Variants in IGDCC4 observed in about 807,000 individuals in gnomAD.
IGDCC4 encodes immunoglobulin superfamily DCC subclass member 4.
IGDCC4 carries 72 observed loss-of-function variants against 116.6 expected under a neutral mutation model. That is an observed-to-expected ratio of 0.62 (90% CI 0.51 to 0.75). The LOEUF is 0.75. Ranked by LOEUF, IGDCC4 falls within the 30% of genes least tolerant of loss-of-function variation. The pLI is 0.00. For missense variants in IGDCC4, 1,501 were observed against 1,662.4 expected, an observed-to-expected ratio of 0.90 and a Z score of 1.69; for synonymous variants, 709 against 719.9, an observed-to-expected ratio of 0.98 and a Z score of 0.24.
At chr15:65,388,734 G>GCC in intron 15 of IGDCC4, 74 bp downstream of exon 15, 1 of 1,604,344 alleles carries the variant, frequency 6.2e-7, no homozygotes, top group Non-Finnish European at 8.5e-7. Flanking sequence ...ACAAACCCCA[G>GCC]CACTGTTCTC....
rs764767963 is a variant in IGDCC4, at chr15:65,383,964, T to C, written c.*45A>G. On this transcript the variant is annotated 3_prime_UTR_variant, in exon 20 of 20. Transcript: ENST00000352385. The stretch of plus-strand genomic sequence containing the variant: ...ACACGGCCACAGGTATCGCATCCTA[T>C]GTGATCCATACCTGCCTGCCCCAAA... 5 of 1,497,996 alleles carry C rather than the reference T, an allele frequency of 3.3e-6. No homozygotes were observed. Among genetic ancestry groups the C allele is most frequent in the Non-Finnish European group, 4.5e-6 (5 of 1,114,718 alleles). The allele number at this position is 1,497,996 out of a possible 1,614,324, so 92.8% of individuals were successfully genotyped here. A position where few individuals can be genotyped will look rare whatever the true frequency, so the allele number is the denominator to read the frequency against.
In IGDCC4 at chr15:65,393,408, GA is replaced by G. The variant is rs765027467; in HGVS notation, c.1837del (p.Ser613ProfsTer24). 1 of 1,613,486 alleles carries G rather than the reference GA, an allele frequency of 6.2e-7. No homozygotes were observed. The highest frequency in any genetic ancestry group is 1.1e-5 in the South Asian group (1 of 90,898). On this transcript the variant is annotated frameshift_variant, in exon 10 of 20. Coordinates refer to ENST00000352385, the MANE Select transcript of IGDCC4 (RefSeq NM_020962.3). LOFTEE classifies it high-confidence loss of function. This position sits in a 1 kb window ranked among gnomAD's most constrained non-coding sequence, Gnocchi z 4.6. ...AGTAAGFGAP[S>X]QWMHHRTPSM... ...GGGCGTCCTGTGATGCATCCACTGG[GA>G]GGGGGCCCCGAAGCCGGCTGCTGTA... is the stretch of plus-strand genomic sequence containing the variant.
Position 65,385,844 on chromosome 15 carries a change from TGACTCCG to T in IGDCC4, c.3160_3166del (p.Arg1054ThrfsTer14). On this transcript the variant is annotated frameshift_variant, in exon 18 of 20. Coordinates refer to ENST00000352385, the MANE Select transcript of IGDCC4 (RefSeq NM_020962.3). LOFTEE classifies it high-confidence loss of function. ...GCTCTGACTTACCTTTCTTTTGGAGTGACTCCGGCCTTCAGAAACACCGCCACCCATA... is the reference window on the plus strand; with the variant it reads ...GCTCTGACTTACCTTTCTTTTGGAGTGCCTTCAGAAACACCGCCACCCATA... 6.2e-7 allele frequency: 1 copy of T among 1,612,278 alleles called. No homozygotes were observed. The highest frequency in any genetic ancestry group is 8.5e-7 in the Non-Finnish European group (1 of 1,179,806).
At position 65,383,905 on chromosome 15, in the gene IGDCC4, TTGA is replaced by T; in HGVS notation, c.*101_*103del. The T allele has an allele frequency of 1.8e-6, 2 of 1,139,344 alleles. No homozygotes were observed. The highest frequency in any genetic ancestry group is 2.4e-6 in the Non-Finnish European group (2 of 829,690). 70.6% of individuals were successfully genotyped at this position (1,139,344 alleles called of 1,614,324 possible). On this transcript the variant is annotated 3_prime_UTR_variant, in exon 20 of 20. Coordinates refer to ENST00000352385, the MANE Select transcript of IGDCC4 (RefSeq NM_020962.3). ...AGCAACTTAGGAAGCTCCAAAGGGC[TTGA>T]TGATGTATCTACAGGCACACATGTG...
In IGDCC4 at chr15:65,384,203, A is replaced by C. The variant is rs777638578; in HGVS notation, c.3559T>G (p.Cys1187Gly). Residue 1187 changes from cysteine (C) to glycine (G), a missense_variant, in exon 20 of 20, where the codon TGT becomes GGT. Coordinates refer to ENST00000352385, the MANE Select transcript of IGDCC4 (RefSeq NM_020962.3). The surrounding 1 kb of genome is among the most constrained non-coding windows in gnomAD (Gnocchi z 4.9). Reference sequence around the variant, plus strand: ...TCTGGCCCGGGGGCTGCCAGCTCACACCCTCCCAACTCCCTGTCCAGCCAG... The same window carrying C: ...TCTGGCCCGGGGGCTGCCAGCTCACCCCCTCCCAACTCCCTGTCCAGCCAG... ...AAWLDRELGG[C>G]ELAAPGPDRL... 9.8e-5 allele frequency: 157 copies of C among 1,608,442 alleles called. No homozygotes were observed. The highest frequency in any genetic ancestry group is 1.3e-4 in the Non-Finnish European group (152 of 1,176,608).
chr15:65,415,499 C>G (rs530573150), intron 1 of IGDCC4, among the ~76,000 whole-genome samples: 47 of 152,316 alleles, frequency 3.1e-4, no homozygotes, highest in African/African-American at 1.1e-3. Flanking sequence ...ACAGGGAAAG[C>G]AACAGGAACG....
intron 1 of IGDCC4, among the ~76,000 whole-genome samples, chr15:65,411,589 A>T (rs1472049874): frequency 1.3e-5 from 2 of 152,186 alleles, no homozygotes; most frequent in Non-Finnish European, 2.9e-5. Context: ...AGCATTATTC[A>T]TAATAGCCAA....
intron 1 of IGDCC4, among the ~76,000 whole-genome samples, chr15:65,412,780 T>A (rs573053193): frequency 5.9e-5 from 9 of 151,946 alleles, no homozygotes; most frequent in African/African-American, 1.9e-4. Flanking sequence ...AAAAAAAAAT[T>A]TTTTTAATTA....
chr15:65,398,419 A>G (rs1163864828), intron 5 of IGDCC4, among the ~76,000 whole-genome samples: 2 of 151,734 alleles, frequency 1.3e-5, no homozygotes, highest in African/African-American at 4.8e-5. Context: ...CTGTAATCCC[A>G]GCTACTCGGG....
rs960883940 is a variant in IGDCC4 at position 65,383,676 on chromosome 15, G to A, written c.*333C>T. 1.3e-5 allele frequency: 3 copies of A among 229,302 alleles called. No homozygotes were observed. The highest frequency in any genetic ancestry group is 5.5e-5 in the Admixed American group (1 of 18,180). The allele number at this position is 229,302 out of a possible 1,614,324, so 14.2% of individuals were successfully genotyped here. A position where few individuals can be genotyped will look rare whatever the true frequency, so the allele number is the denominator to read the frequency against. On this transcript the variant is annotated 3_prime_UTR_variant, in exon 20 of 20. Coordinates refer to ENST00000352385, the MANE Select transcript of IGDCC4 (RefSeq NM_020962.3). ...TGGGGACTGACCACTGTGGGGCACC[G>A]TTCTGACCTGGAGGACCAATCAGGC...
chr15:65,392,101 T>TCCCACCCACCCCCA, intron 11 of IGDCC4, 33 bp downstream of exon 11: 2 of 1,502,606 alleles, frequency 1.3e-6, no homozygotes, highest in African/African-American at 1.4e-5. Flanking sequence ...TGAAGCTACA[T>TCCCACCCACCCCCA]CCCTCCCTCC....
intron 2 of IGDCC4, 190 bp from the exon 3 acceptor site, chr15:65,410,509 A>C: frequency 3.1e-6 from 2 of 635,594 alleles, no homozygotes; most frequent in South Asian, 3.9e-5. Flanking sequence ...CTGCCAGCAG[A>C]ATGAATTCCA....
chr15:65,412,777 A>T (rs573698822), intron 1 of IGDCC4, among the ~76,000 whole-genome samples: 102 of 152,040 alleles, frequency 6.7e-4, no homozygotes, highest in African/African-American at 2.0e-3. Flanking sequence ...TATAAAAAAA[A>T]ATTTTTTTAA....
At position 65,382,714 on chromosome 15, in the gene IGDCC4, C is replaced by T. The variant is rs1246314132; in HGVS notation, c.*1295G>A. On this transcript the variant is annotated 3_prime_UTR_variant, in exon 20 of 20. Coordinates refer to ENST00000352385, the MANE Select transcript of IGDCC4 (RefSeq NM_020962.3). ...GTGCAAAGACCTCCTTGCCAGCACCCCAGAGGGTGAGATTCCTGTCATCCC... is the reference window on the plus strand; with the variant it reads ...GTGCAAAGACCTCCTTGCCAGCACCTCAGAGGGTGAGATTCCTGTCATCCC... The T allele has an allele frequency of 6.6e-6, 1 of 152,100 alleles. No individual in the cohort carries two copies. The highest frequency in any genetic ancestry group is 1.5e-5 in the Non-Finnish European group (1 of 68,022). 9.4% of individuals were successfully genotyped at this position (152,100 alleles called of 1,614,324 possible).
At chr15:65,410,117 G>A (rs543751271) in intron 3 of IGDCC4, 61 bp downstream of exon 3, 3 of 1,590,192 alleles carry the variant, frequency 1.9e-6, no homozygotes, top group African/African-American at 2.7e-5. Context: ...TCAGTTCTGA[G>A]CACACCCCAG....
intron 2 of IGDCC4, chr15:65,410,678 G>A (rs569093345): frequency 1.0e-4 from 46 of 459,620 alleles, no homozygotes; most frequent in Non-Finnish European, 1.6e-4. Context: ...TCCACCTGCC[G>A]TGCAGGCAGG....
chr15:65,385,145 G>A (rs746390870), intron 18 of IGDCC4, 30 bp from the exon 19 acceptor site: 4 of 1,540,182 alleles, frequency 2.6e-6, no homozygotes, highest in Non-Finnish European at 3.5e-6. Context: ...GGACAGTAAG[G>A]GGCACGACCA....
chr15:65,404,046 AG>A (rs2063017490), intron 3 of IGDCC4, among the ~76,000 whole-genome samples: 1 of 152,060 alleles, frequency 6.6e-6, no homozygotes, highest in African/African-American at 2.4e-5. Flanking sequence ...CAGAGAGGGA[AG>A]GGGGCAGTTG....
Position 65,384,291 on chromosome 15 carries a change from G to A in IGDCC4, c.3471C>T (p.Asp1157=), listed in dbSNP as rs778487285. ...DLHLQDLEPE[D]PLPPEAPDLI... is the part of the protein sequence containing the mutation. ...GATCAGGAGCCTCTGGAGGCAGGGG[G>A]TCCTCAGGCTCCAGGTCTTGGAGAT... is the stretch of plus-strand genomic sequence containing the variant. The change falls in exon 20 of 20, where the codon GAC becomes GAT. Residue 1157 remains aspartate (D), a synonymous_variant. Coordinates refer to ENST00000352385, the MANE Select transcript of IGDCC4 (RefSeq NM_020962.3). The surrounding 1 kb of genome is among the most constrained non-coding windows in gnomAD (Gnocchi z 4.9). 5.0e-6 allele frequency: 8 copies of A among 1,608,036 alleles called. No homozygotes were observed. Among genetic ancestry groups the A allele is most frequent in the Non-Finnish European group, 5.9e-6 (7 of 1,176,844 alleles).
Sources: gnomAD v4.1 joint callset for allele counts (sites outside exome capture counted in the v4.1 genomes callset) on GRCh38, gnomAD v4.1.1 for gene constraint, Gnocchi (gnomAD v3.1) non-coding constraint, MANE v1.5 for transcripts, NCBI Gene and HGNC (gene_info 2026-07-23, HGNC 2026-07-21) for gene names.